The following TCF12 variants were observed in gnomAD, a reference collection of about 807,000 sequenced individuals.
The protein encoded by TCF12 is transcription factor 12, also known as DNA-binding protein HTF4.
A neutral mutation model predicts 86.0 loss-of-function variants in TCF12; 45 were observed. The ratio of observed to expected loss-of-function variants is 0.52; its 90% CI spans 0.41 to 0.67. The LOEUF (loss-of-function observed/expected upper bound fraction) is 0.67, where lower values mean the gene tolerates loss of function less well. Ranked by LOEUF, TCF12 falls within the 30% of genes least tolerant of loss-of-function variation. The pLI is 0.00. For synonymous variants in TCF12, 330 were observed against 299.6 expected, an observed-to-expected ratio of 1.10 and a Z score of -1.05; for missense variants, 881 against 859.9, an observed-to-expected ratio of 1.02 and a Z score of -0.31.
intron 8 of TCF12, among the ~76,000 whole-genome samples, chr15:57,223,604 T>G (rs2058703620): frequency 6.8e-6 from 1 of 148,082 alleles, no homozygotes; most frequent in Non-Finnish European, 1.5e-5. Context: ...ATACTGAAAA[T>G]TGGTTTAGCC....
chr15:57,265,862 G>C (rs1181717790), intron 18 of TCF12, among the ~76,000 whole-genome samples: 1 of 152,156 alleles, frequency 6.6e-6, no homozygotes, highest in Non-Finnish European at 1.5e-5. Context: ...CTAATGTGTT[G>C]TGCTGCAGCC....
intron 18 of TCF12, among the ~76,000 whole-genome samples, chr15:57,267,788 C>T (rs535129930): frequency 6.6e-6 from 1 of 152,224 alleles, no homozygotes; most frequent in South Asian, 2.1e-4. Context: ...AATAACATGA[C>T]CTTTGGACAA....
intron 3 of TCF12, among the ~76,000 whole-genome samples, chr15:57,020,660 G>T (rs1403011047): frequency 2.0e-5 from 3 of 152,172 alleles, no homozygotes; most frequent in African/African-American, 4.8e-5. Context: ...CTTGGGAAAT[G>T]TGTTCAACGA....
At chr15:57,265,274 C>A (rs1390757137) in intron 18 of TCF12, among the ~76,000 whole-genome samples, 1 of 152,066 alleles carries the variant, frequency 6.6e-6, no homozygotes, top group African/African-American at 2.4e-5. Context: ...TTTGCACATT[C>A]TTCCCATGTC....
chr15:57,216,240 G>A (rs1008828270), intron 8 of TCF12, among the ~76,000 whole-genome samples: 2 of 152,006 alleles, frequency 1.3e-5, no homozygotes, highest in Non-Finnish European at 2.9e-5. Context: ...TCCAAGTTAC[G>A]TATTTTGTCA....
At chr15:57,226,305 G>A (rs536805781) in intron 8 of TCF12, among the ~76,000 whole-genome samples, 17 of 151,076 alleles carry the variant, frequency 1.1e-4, no homozygotes, top group African/African-American at 2.4e-5. Flanking sequence ...ACCAGATAAA[G>A]TGGATGTTCC....
intron 1 of TCF12, 44 bp downstream of exon 1, chr15:56,918,950 CTGGGG>C (rs1319591820): frequency 2.0e-5 from 3 of 151,848 alleles, no homozygotes; most frequent in Non-Finnish European, 4.4e-5. Flanking sequence ...CGCGGCGGGG[CTGGGG>C]GCTGCGGGGC....
At chr15:57,099,531 C>T (rs1317932583) in intron 5 of TCF12, among the ~76,000 whole-genome samples, 1 of 152,024 alleles carries the variant, frequency 6.6e-6, no homozygotes, top group Non-Finnish European at 1.5e-5. Flanking sequence ...TTCACTAGGT[C>T]TTAGAGTAAA....
intron 3 of TCF12, among the ~76,000 whole-genome samples, chr15:56,959,537 A>G (rs1326214184): frequency 6.6e-6 from 1 of 152,222 alleles, no homozygotes; most frequent in Non-Finnish European, 1.5e-5. Context: ...TTGGTTAACC[A>G]CCTAGGTTCA....
At chr15:57,201,305 G>A (rs1044201863) in intron 8 of TCF12, among the ~76,000 whole-genome samples, 1 of 152,072 alleles carries the variant, frequency 6.6e-6, no homozygotes, top group African/African-American at 2.4e-5. Flanking sequence ...GCAAGTAAGG[G>A]TGTGTACCAG....
At chr15:57,031,873 A>T (rs964038690) in intron 3 of TCF12, among the ~76,000 whole-genome samples, 1 of 152,146 alleles carries the variant, frequency 6.6e-6, no homozygotes, top group African/African-American at 2.4e-5. Flanking sequence ...AGGCAATCAC[A>T]TGGTAATGAC....
At chr15:57,085,079 A>G (rs529606475) in intron 4 of TCF12, among the ~76,000 whole-genome samples, 12 of 152,218 alleles carry the variant, frequency 7.9e-5, no homozygotes, top group African/African-American at 2.4e-4. Flanking sequence ...GGCCAGTTCA[A>G]GACTCGCTCT....
chr15:56,985,715 A>G (rs2063148928), intron 3 of TCF12, among the ~76,000 whole-genome samples: 1 of 152,174 alleles, frequency 6.6e-6, no homozygotes. Flanking sequence ...ACCTAATGAA[A>G]TCTAGTTTTA....
At chr15:57,013,363 T>C (rs1431405610) in intron 3 of TCF12, among the ~76,000 whole-genome samples, 4 of 152,112 alleles carry the variant, frequency 2.6e-5, no homozygotes, top group African/African-American at 4.8e-5. Context: ...CAGGCTGGAG[T>C]GCAATGGCAC....
rs373658411 is a variant in TCF12, at chr15:57,192,211, T to C, written c.444T>C (p.Ser148=). ...TTGGGAGCCCAGCACAGCTATCTTCTTCAGGAAAACCTGGGACAGCATACT... is the reference window on the plus strand; with the variant it reads ...TTGGGAGCCCAGCACAGCTATCTTCCTCAGGAAAACCTGGGACAGCATACT... The part of the protein sequence containing the change: ...LGLGSPAQLS[S]SGKPGTAYYS... The change falls in exon 7 of 21, where the codon TCT becomes TCC. Residue 148 remains serine, a synonymous_variant. Coordinates refer to ENST00000333725, the MANE Select transcript of TCF12 (RefSeq NM_207037.2). 28 of 1,613,972 alleles carry C rather than the reference T, an allele frequency of 1.7e-5. No homozygotes were observed. The African/African-American group carries it at 1.7e-4, about 10-fold the overall frequency.
At chr15:57,109,072 C>T (rs74016111) in intron 5 of TCF12, among the ~76,000 whole-genome samples, 12,002 of 152,066 alleles carry the variant, frequency 0.079, 523 homozygotes, top group Middle Eastern at 0.14. Context: ...AATAAACCAC[C>T]TCTTGCTTAA....
intron 5 of TCF12, among the ~76,000 whole-genome samples, chr15:57,097,238 C>T (rs1365490762): frequency 6.6e-6 from 1 of 152,160 alleles, no homozygotes; most frequent in African/African-American, 2.4e-5. Flanking sequence ...ACAACCCTGC[C>T]CTCAAAAGTT....
chr15:57,245,786 A>G (rs574577761), intron 13 of TCF12, among the ~76,000 whole-genome samples: 6 of 152,310 alleles, frequency 3.9e-5, no homozygotes, highest in African/African-American at 1.2e-4. Context: ...GGGCTGTTGA[A>G]TTATGTAATG....
At chr15:56,923,074 T>G (rs2059861276) in intron 3 of TCF12, among the ~76,000 whole-genome samples, 1 of 151,992 alleles carries the variant, frequency 6.6e-6, no homozygotes, top group South Asian at 2.1e-4. Context: ...AGATTAGGGT[T>G]TTTTGTTTGT....
Sources: allele counts gnomAD v4.1 joint callset (sites outside exome capture counted in the v4.1 genomes callset), GRCh38; gene constraint gnomAD v4.1.1; transcripts MANE v1.5; gene names NCBI Gene and HGNC (gene_info 2026-07-23, HGNC 2026-07-21).